ZNF385B: variants seen among roughly 807,000 people sequenced by gnomAD.
ZNF385B encodes the protein zinc finger protein 385B.
ZNF385B carries 23 observed loss-of-function variants against 39.2 expected under a neutral mutation model. That is an observed-to-expected ratio of 0.59 (90% CI 0.42 to 0.83). The LOEUF (loss-of-function observed/expected upper bound fraction) is 0.83. Among genes scored for constraint, ZNF385B ranks in the 40% least tolerant of loss-of-function variants. ZNF385B has a pLI of 0.00. For synonymous variants in ZNF385B, 205 were observed against 222.6 expected (o/e 0.92, Z 0.70); for missense variants, 552 against 598.9 (o/e 0.92, Z 0.82).
chr2:179,558,629 C>A (rs1297031512), intron 3 of ZNF385B, among the ~76,000 whole-genome samples: 1 of 152,156 alleles, frequency 6.6e-6, no homozygotes, highest in Non-Finnish European at 1.5e-5. Flanking sequence ...GAAAGCACAA[C>A]TTGGGAATAA....
intron 3 of ZNF385B, among the ~76,000 whole-genome samples, chr2:179,768,370 C>T (rs1703826006): frequency 6.6e-6 from 1 of 152,056 alleles, no homozygotes; most frequent in Non-Finnish European, 1.5e-5. Context: ...ACCTTAAATG[C>T]TGTAAGCCCC....
chr2:179,576,819 T>C (rs535476345), intron 3 of ZNF385B, among the ~76,000 whole-genome samples: 1 of 152,156 alleles, frequency 6.6e-6, no homozygotes, highest in South Asian at 2.1e-4. Context: ...CTAAGCCATA[T>C]CCACATGGGC....
intron 3 of ZNF385B, among the ~76,000 whole-genome samples, chr2:179,559,639 C>T (rs1280035896): frequency 2.8e-5 from 4 of 145,186 alleles, no homozygotes; most frequent in East Asian, 3.9e-4. Context: ...ACTTGACTGT[C>T]GGGTTTTTTT....
intron 5 of ZNF385B, among the ~76,000 whole-genome samples, chr2:179,487,780 G>T (rs2054748924): frequency 6.6e-6 from 1 of 152,150 alleles, no homozygotes; most frequent in Non-Finnish European, 1.5e-5. Context: ...AGTGACCAAA[G>T]AAACCTCTTC....
At chr2:179,640,895 T>C (rs1692206254) in intron 3 of ZNF385B, among the ~76,000 whole-genome samples, 2 of 152,184 alleles carry the variant, frequency 1.3e-5, no homozygotes, top group African/African-American at 4.8e-5. Context: ...GTCAAACACA[T>C]GGATCATTTG....
In ZNF385B at chr2:179,442,219, A is replaced by T. The variant is rs2049037941; in HGVS notation, c.*1031T>A. Reference sequence around the variant, plus strand: ...GAACAGAAAGACAAATTGTTCAATTATAAATTTTTTTATCTTCTGTACATT... The same window carrying T: ...GAACAGAAAGACAAATTGTTCAATTTTAAATTTTTTTATCTTCTGTACATT... On this transcript the variant is annotated 3_prime_UTR_variant, in exon 10 of 10. Transcript: ENST00000410066. 6.6e-6 allele frequency: 1 copy of T among 152,662 alleles called. No homozygotes were observed. The highest frequency in any genetic ancestry group is 2.4e-5 in the African/African-American group (1 of 41,470). The allele number at this position is 152,662 out of a possible 1,614,324, so 9.5% of individuals were successfully genotyped here. A position where few individuals can be genotyped will look rare whatever the true frequency, so the allele number is the denominator to read the frequency against.
intron 3 of ZNF385B, among the ~76,000 whole-genome samples, chr2:179,736,418 G>A (rs1013324596): frequency 6.6e-5 from 10 of 151,966 alleles, no homozygotes; most frequent in African/African-American, 1.9e-4. Flanking sequence ...CAACTCATTG[G>A]ACCATTAAGC....
At chr2:179,757,039 CT>C (rs762724117) in intron 3 of ZNF385B, among the ~76,000 whole-genome samples, 3 of 152,170 alleles carry the variant, frequency 2.0e-5, no homozygotes, top group Non-Finnish European at 4.4e-5. Context: ...GAGAGGTGCT[CT>C]GATTTTTAGA....
At chr2:179,847,940 G>T (rs1708882084) in intron 1 of ZNF385B, among the ~76,000 whole-genome samples, 2 of 152,198 alleles carry the variant, frequency 1.3e-5, no homozygotes, top group Non-Finnish European at 1.5e-5. Flanking sequence ...TAGAGTAACT[G>T]CTTGGCATAT....
chr2:179,605,386 G>GA (rs1221488533), intron 3 of ZNF385B, among the ~76,000 whole-genome samples: 1 of 151,934 alleles, frequency 6.6e-6, no homozygotes, highest in Admixed American at 6.6e-5. Flanking sequence ...TTCTAAATGT[G>GA]AAAAAAACTG....
At chr2:179,513,686 C>A (rs1366536864) in intron 5 of ZNF385B, among the ~76,000 whole-genome samples, 1 of 152,174 alleles carries the variant, frequency 6.6e-6, no homozygotes, top group Non-Finnish European at 1.5e-5. Context: ...ATCCTCCTGA[C>A]AGAGGTACTG....
At chr2:179,716,592 T>C (rs1700346296) in intron 3 of ZNF385B, among the ~76,000 whole-genome samples, 1 of 152,230 alleles carries the variant, frequency 6.6e-6, no homozygotes, top group African/African-American at 2.4e-5. Flanking sequence ...TATTCCACAG[T>C]CTCTTCTAGA....
chr2:179,743,477 C>A (rs889215677), intron 3 of ZNF385B, among the ~76,000 whole-genome samples: 1 of 151,956 alleles, frequency 6.6e-6, no homozygotes, highest in Admixed American at 6.6e-5. Flanking sequence ...AGAAAAAAAT[C>A]ATGAAATTCA....
intron 6 of ZNF385B, among the ~76,000 whole-genome samples, chr2:179,464,528 A>C (rs187519364): frequency 2.6e-5 from 4 of 152,264 alleles, no homozygotes; most frequent in Admixed American, 1.3e-4. Flanking sequence ...TTTTTGTATA[A>C]GGTGTAAGGA....
At chr2:179,766,471 A>T (rs1370720370) in intron 3 of ZNF385B, among the ~76,000 whole-genome samples, 1 of 152,182 alleles carries the variant, frequency 6.6e-6, no homozygotes, top group Non-Finnish European at 1.5e-5. Flanking sequence ...AGAGGCTAGA[A>T]GTATAAAAAA....
chr2:179,847,964 T>C (rs1708883901), intron 1 of ZNF385B, among the ~76,000 whole-genome samples: 1 of 152,154 alleles, frequency 6.6e-6, no homozygotes, highest in Non-Finnish European at 1.5e-5. Flanking sequence ...CATGCACAGC[T>C]TGGACAGAGG....
intron 3 of ZNF385B, among the ~76,000 whole-genome samples, chr2:179,725,837 T>C (rs1022796378): frequency 2.0e-5 from 3 of 150,410 alleles, no homozygotes; most frequent in African/African-American, 7.3e-5. Context: ...ATCTCAGATA[T>C]ATCATATATA....
At chr2:179,693,238 G>GAGAGGCTCACTT in intron 3 of ZNF385B, among the ~76,000 whole-genome samples, 1 of 152,290 alleles carries the variant, frequency 6.6e-6, no homozygotes, top group South Asian at 2.1e-4. Flanking sequence ...ATTTAAAGAA[G>GAGAGGCTCACTT]AGAGGCTCAC....
At chr2:179,838,401 A>G (rs1708365487) in intron 1 of ZNF385B, among the ~76,000 whole-genome samples, 1 of 152,168 alleles carries the variant, frequency 6.6e-6, no homozygotes, top group African/African-American at 2.4e-5. Context: ...TATACAATAG[A>G]TTTATCTTTT....
Sources: gnomAD v4.1 joint callset for allele counts (sites outside exome capture counted in the v4.1 genomes callset) on GRCh38, gnomAD v4.1.1 for gene constraint, MANE v1.5 for transcripts, NCBI Gene and HGNC (gene_info 2026-07-23, HGNC 2026-07-21) for gene names.